Variants in DBN1 observed in about 807,000 individuals in gnomAD.
DBN1 encodes drebrin 1.
A neutral mutation model predicts 83.5 loss-of-function variants in DBN1; 21 were observed. The ratio of observed to expected loss-of-function variants is 0.25; its 90% CI spans 0.18 to 0.36. DBN1 has a LOEUF of 0.36. DBN1 is among the 10% of genes least tolerant of loss of function. The pLI is 1.00. For missense variants in DBN1, 874 were observed against 935.7 expected (o/e 0.93, Z 0.86); for synonymous variants, 381 against 384.9 (o/e 0.99, Z 0.12).
chr5:177,467,830 C>T lies in DBN1; in HGVS notation c.256-13G>A, dbSNP rs369590390. On this transcript the variant is annotated splice_polypyrimidine_tract_variant and intron_variant, in intron 3 of 14. Transcript: ENST00000393565. This position sits in a 1 kb window ranked among gnomAD's most constrained non-coding sequence, Gnocchi z 9.1. ...CATCTTCGCCCACCTGCAAAGTACC[C>T]AGCAAAGAGGGGGTCAGGAAAGGAC... 1.3e-6 allele frequency: 2 copies of T among 1,569,602 alleles called. No homozygotes were observed. The highest frequency in any genetic ancestry group is 1.7e-6 in the Non-Finnish European group (2 of 1,157,860).
intron 10 of DBN1, 65 bp from the exon 11 acceptor site, chr5:177,459,805 GC>G (rs1387473234): frequency 1.4e-6 from 2 of 1,394,506 alleles, no homozygotes; most frequent in African/African-American, 3.0e-5. Flanking sequence ...CCCCACCCCT[GC>G]CCGAGGCCTC....
intron 1 of DBN1, chr5:177,472,674 C>T (rs1265995932): frequency 6.8e-6 from 4 of 590,626 alleles, no homozygotes; most frequent in Admixed American, 6.2e-5. Context: ...CTCCAGAGGG[C>T]TTCCTCCCAG....
chr5:177,472,636 G>A (rs1031291930), intron 1 of DBN1: 1 of 439,172 alleles, frequency 2.3e-6, no homozygotes, highest in Non-Finnish European at 3.3e-6. Flanking sequence ...CCCTTCAGCC[G>A]TCTTTGGGGG....
rs1756490406 is a variant in DBN1 at position 177,456,660 on chromosome 5, A to T, written c.*773T>A. ...AGACATGAGCACGACCCGTTACAGA[A>T]GTTTGTGCTTTCCAAAAAAAAAAAA... is the stretch of plus-strand genomic sequence containing the variant. On this transcript the variant is annotated 3_prime_UTR_variant, in exon 15 of 15. Coordinates refer to ENST00000393565, the MANE Select transcript of DBN1 (RefSeq NM_001363541.2). 1 of 118,682 alleles carries T rather than the reference A, an allele frequency of 8.4e-6. No individual in the cohort carries two copies. Among genetic ancestry groups the T allele is most frequent in the Non-Finnish European group, 1.7e-5 (1 of 60,288 alleles). The allele number at this position is 118,682 out of a possible 1,614,324, so 7.4% of individuals were successfully genotyped here. A position where few individuals can be genotyped will look rare whatever the true frequency, so the allele number is the denominator to read the frequency against.
Position 177,466,878 on chromosome 5 carries a change from G to T in DBN1, c.707+33C>A, listed in dbSNP as rs1757477986. 2 of 1,613,712 alleles carry T rather than the reference G, an allele frequency of 1.2e-6. No individual in the cohort carries two copies. Among genetic ancestry groups the T allele is most frequent in the Non-Finnish European group, 1.7e-6 (2 of 1,179,836 alleles). On this transcript the variant is annotated intron_variant, in intron 7 of 14. Coordinates refer to ENST00000393565, the MANE Select transcript of DBN1 (RefSeq NM_001363541.2). This position sits in a 1 kb window ranked among gnomAD's most constrained non-coding sequence, Gnocchi z 4.8. ...CAGCACCCGTCAGGGTGCGCCCGGG[G>T]GCCCCTGGAGCGCTCCGGGCGGGCA...
chr5:177,472,195 A>C (rs779032697), intron 1 of DBN1: 2 of 1,613,508 alleles, frequency 1.2e-6, no homozygotes, highest in Non-Finnish European at 1.7e-6. Flanking sequence ...GTACCATGCC[A>C]TGGATGCCCA....
chr5:177,472,134 GCTTGT>G (rs765802054), intron 1 of DBN1: 16 of 1,611,616 alleles, frequency 9.9e-6, no homozygotes, highest in African/African-American at 8.0e-5. Flanking sequence ...GGACACGAGA[GCTTGT>G]CTCTCGCGTC....
In DBN1 at chr5:177,457,084, G is replaced by A. The variant is rs1756554785; in HGVS notation, c.*349C>T. On this transcript the variant is annotated 3_prime_UTR_variant, in exon 15 of 15. Coordinates refer to ENST00000393565, the MANE Select transcript of DBN1 (RefSeq NM_001363541.2). Reference sequence around the variant, plus strand: ...ATTTTCCCACCAGAGCTCCCCCCACGCCAGGCCCCAAGCAGGGTGAGGCCT... The same window carrying A: ...ATTTTCCCACCAGAGCTCCCCCCACACCAGGCCCCAAGCAGGGTGAGGCCT... 3.2e-6 allele frequency: 1 copy of A among 315,660 alleles called. No homozygotes were observed. Among genetic ancestry groups the A allele is most frequent in the South Asian group, 5.1e-5 (1 of 19,794 alleles). 19.6% of individuals were successfully genotyped at this position (315,660 alleles called of 1,614,324 possible).
In DBN1 at chr5:177,457,490, T is replaced by G; in HGVS notation, c.2031A>C (p.Thr677=). The part of the protein sequence containing the change: ...FYNKPPEIDI[T]CWDADPVPEE... ...CTGGAACTGGGTCTGCATCCCAGCATGTGATGTCGATCTCTGTGGCGTTAG... is the reference window on the plus strand; with the variant it reads ...CTGGAACTGGGTCTGCATCCCAGCAGGTGATGTCGATCTCTGTGGCGTTAG... The change falls in exon 15 of 15, where the codon ACA becomes ACC. Residue 677 remains threonine, a synonymous_variant. Transcript: ENST00000393565. The G allele has an allele frequency of 6.2e-7, 1 of 1,614,082 alleles. No homozygotes were observed. The highest frequency in any genetic ancestry group is 8.5e-7 in the Non-Finnish European group (1 of 1,179,936).
chr5:177,464,892 C>A (rs781622281), intron 8 of DBN1, among the ~76,000 whole-genome samples: 1 of 151,484 alleles, frequency 6.6e-6, no homozygotes, highest in Non-Finnish European at 1.5e-5. Flanking sequence ...CAGTGGCTCA[C>A]GCCTGTAATC....
Position 177,459,619 on chromosome 5 carries a change from G to T in DBN1, c.1077C>A (p.Leu359=). 6.4e-7 allele frequency: 1 copy of T among 1,552,070 alleles called. No individual in the cohort carries two copies. The highest frequency in any genetic ancestry group is 8.7e-7 in the Non-Finnish European group (1 of 1,148,780). ...GCTACCTACATGGGAGGGAGGAAGAGAGGTTTGGGGTGCGGTGGCAGGTGA... is the reference window on the plus strand; with the variant it reads ...GCTACCTACATGGGAGGGAGGAAGATAGGTTTGGGGTGCGGTGGCAGGTGA... ...PYITCHRTPN[L]SSSLPCSHLD... Residue 359 remains leucine, a synonymous_variant, in exon 11 of 15, where the codon CTC becomes CTA. Transcript: ENST00000393565.
chr5:177,471,298 A>G (rs888190119), intron 1 of DBN1, among the ~76,000 whole-genome samples: 1 of 151,974 alleles, frequency 6.6e-6, no homozygotes, highest in Non-Finnish European at 1.5e-5. Context: ...TTCCAAGAGG[A>G]CCAGGAACTT....
At position 177,459,264 on chromosome 5, in the gene DBN1, G is replaced by A. The variant is rs763642188; in HGVS notation, c.1098C>T (p.Ser366=). 6.9e-6 allele frequency: 11 copies of A among 1,605,762 alleles called. No individual in the cohort carries two copies. Among genetic ancestry groups the A allele is most frequent in the Non-Finnish European group, 2.5e-6 (3 of 1,178,958 alleles). Residue 366 remains serine (S), a synonymous_variant, in exon 12 of 15, where the codon AGC becomes AGT. Coordinates refer to ENST00000393565, the MANE Select transcript of DBN1 (RefSeq NM_001363541.2). The part of the protein sequence containing the change: ...TPNLSSSLPC[S]HLDSHRRMAP... The stretch of plus-strand genomic sequence containing the variant: ...CCATCCTCCGGTGGCTGTCCAGGTG[G>A]CTGCCTGTGGAACAAACCCCAGGTG...
At chr5:177,472,070 G>A (rs944246627) in intron 1 of DBN1, 1 of 1,581,772 alleles carries the variant, frequency 6.3e-7, no homozygotes, top group Admixed American at 1.8e-5. Flanking sequence ...TGGGACAATG[G>A]GTGGGCCGCC....
At position 177,472,356 on chromosome 5, in the gene DBN1, C is replaced by T. The variant is rs1757910935; in HGVS notation, c.86+1080G>A. 2.7e-6 allele frequency: 4 copies of T among 1,486,770 alleles called. No homozygotes were observed. The South Asian group carries it at 5.5e-5, about 20-fold the overall frequency. 92.1% of individuals were successfully genotyped at this position (1,486,770 alleles called of 1,614,324 possible). A position where few individuals can be genotyped will look rare whatever the true frequency, so the allele number is the denominator to read the frequency against. ...CTCAAGAAGAACCTGTTCCCATCTG[C>T]CAGCAGGGAGAGGAGGCCTAGGAAC... On this transcript the variant is annotated intron_variant, in intron 1 of 14. Coordinates refer to ENST00000393565, the MANE Select transcript of DBN1 (RefSeq NM_001363541.2).
intron 1 of DBN1, 164 bp downstream of exon 1, chr5:177,473,272 T>TC: frequency 3.0e-6 from 1 of 337,084 alleles, no homozygotes; most frequent in Non-Finnish European, 5.1e-6. Flanking sequence ...CGCCGGCCCC[T>TC]CCCCCGGCGC....
At position 177,467,688 on chromosome 5, in the gene DBN1, A is replaced by G. The variant is rs1757547708; in HGVS notation, c.330+55T>C. The G allele has an allele frequency of 6.4e-7, 1 of 1,554,568 alleles. No individual in the cohort carries two copies. Among genetic ancestry groups the G allele is most frequent in the Middle Eastern group, 1.7e-4 (1 of 5,992 alleles). ...ATCCTCCCGCCATCCCCACCCCAGC[A>G]CGCAGACCCTGGTGGCTGTCCCCAC... is the stretch of plus-strand genomic sequence containing the variant. On this transcript the variant is annotated intron_variant, in intron 4 of 14. Coordinates refer to ENST00000393565, the MANE Select transcript of DBN1 (RefSeq NM_001363541.2). This position sits in a 1 kb window ranked among gnomAD's most constrained non-coding sequence, Gnocchi z 9.1.
chr5:177,473,348 C>G (rs544509619), intron 1 of DBN1, 88 bp downstream of exon 1: 21 of 800,722 alleles, frequency 2.6e-5, no homozygotes, highest in Non-Finnish European at 5.3e-6. Flanking sequence ...CCTCCCTTCC[C>G]GGCGGCGGGG....
rs534155049 is a variant in DBN1 at position 177,457,229 on chromosome 5, T to C, written c.*204A>G. On this transcript the variant is annotated 3_prime_UTR_variant, in exon 15 of 15. Transcript: ENST00000393565. ...GAGGAAAGCCAGTCAACTGTACAAG[T>C]CTCCTATCAACTTTTTAAAAAAAGA... The C allele has an allele frequency of 1.0e-5, 6 of 591,550 alleles. No individual in the cohort carries two copies. In the East Asian group the frequency reaches 1.7e-4, roughly 17 times the overall value. 36.6% of individuals were successfully genotyped at this position (591,550 alleles called of 1,614,324 possible). A position where few individuals can be genotyped will look rare whatever the true frequency, so the allele number is the denominator to read the frequency against.
Sources: gnomAD v4.1 joint callset for allele counts (sites outside exome capture counted in the v4.1 genomes callset) on GRCh38, gnomAD v4.1.1 for gene constraint, Gnocchi (gnomAD v3.1) non-coding constraint, MANE v1.5 for transcripts, NCBI Gene and HGNC (gene_info 2026-07-23, HGNC 2026-07-21) for gene names.